The following AJAP1 variants were observed in gnomAD, a reference collection of about 807,000 sequenced individuals.
AJAP1 encodes adherens junctions associated protein 1.
A neutral mutation model predicts 35.0 loss-of-function variants in AJAP1; 5 were observed. The observed-to-expected ratio is 0.14, with a 90% confidence interval of 0.07 to 0.30. The LOEUF (loss-of-function observed/expected upper bound fraction) is 0.30. Ranked by LOEUF, AJAP1 falls within the 10% of genes least tolerant of loss-of-function variation. The pLI is 1.00. For missense variants in AJAP1, 586 were observed against 571.0 expected (o/e 1.03, Z -0.27); for synonymous variants, 284 against 249.3 (o/e 1.14, Z -1.31).
intron 4 of AJAP1, among the ~76,000 whole-genome samples, chr1:4,773,306 A>C (rs1641879616): frequency 6.6e-6 from 1 of 152,216 alleles, no homozygotes; most frequent in Non-Finnish European, 1.5e-5. Flanking sequence ...AACCCAGGGC[A>C]AGGTGACTGG....
intron 1 of AJAP1, among the ~76,000 whole-genome samples, chr1:4,661,579 G>T (rs568680935): frequency 6.6e-6 from 1 of 152,326 alleles, no homozygotes; most frequent in African/African-American, 2.4e-5. Flanking sequence ...TGGCTTTCTT[G>T]TCTTATACAA....
intron 2 of AJAP1, among the ~76,000 whole-genome samples, chr1:4,716,285 T>A (rs1352992342): frequency 6.6e-6 from 1 of 152,254 alleles, no homozygotes; most frequent in African/African-American, 2.4e-5. Flanking sequence ...AGAGTCCCAC[T>A]GCCTGTCTTC....
chr1:4,663,242 G>T (rs1170583851), intron 1 of AJAP1, among the ~76,000 whole-genome samples: 1 of 152,172 alleles, frequency 6.6e-6, no homozygotes, highest in Non-Finnish European at 1.5e-5. Context: ...GCCTCCTAGA[G>T]TGCTGGGATT....
chr1:4,766,266 G>T (rs1484382941), intron 2 of AJAP1, among the ~76,000 whole-genome samples: 1 of 152,096 alleles, frequency 6.6e-6, no homozygotes, highest in African/African-American at 2.4e-5. Context: ...AGGCCATACT[G>T]CCTGTAAAGC....
intron 2 of AJAP1, 140 bp from the exon 3 acceptor site, chr1:4,769,713 T>C (rs1030556465): frequency 9.4e-6 from 7 of 741,848 alleles, no homozygotes; most frequent in Non-Finnish European, 1.7e-5. Flanking sequence ...GCACCTGTCA[T>C]GCTGCCCCGA....
chr1:4,724,928 C>G (rs1159951491), intron 2 of AJAP1, among the ~76,000 whole-genome samples: 1 of 152,186 alleles, frequency 6.6e-6, no homozygotes, highest in Non-Finnish European at 1.5e-5. Context: ...TACAGTTCTC[C>G]ACAAGCACCC....
chr1:4,771,485 G>A (rs558733627), intron 3 of AJAP1, among the ~76,000 whole-genome samples: 162 of 152,310 alleles, frequency 1.1e-3, no homozygotes, highest in Non-Finnish European at 6.6e-4. Context: ...GCGGGGAGAC[G>A]TCCTCAGCTC....
At chr1:4,715,664 A>C in intron 2 of AJAP1, among the ~76,000 whole-genome samples, 1 of 152,250 alleles carries the variant, frequency 6.6e-6, no homozygotes, top group Non-Finnish European at 1.5e-5. Context: ...CAGCCTGGGC[A>C]ATAAGAGTGA....
intron 2 of AJAP1, among the ~76,000 whole-genome samples, chr1:4,769,203 C>A (rs753676462): frequency 3.3e-5 from 5 of 152,228 alleles, no homozygotes; most frequent in Non-Finnish European, 5.9e-5. Context: ...GAAGCATCCG[C>A]TGCTGGCCTG....
At chr1:4,665,029 T>A (rs1639085021) in intron 1 of AJAP1, among the ~76,000 whole-genome samples, 1 of 152,088 alleles carries the variant, frequency 6.6e-6, no homozygotes, top group South Asian at 2.1e-4. Context: ...GATTGTGCTC[T>A]CTGGCTTGGA....
rs370080285 is a variant in AJAP1 at position 4,769,884 on chromosome 1, C to T, written c.861C>T (p.Thr287=). Residue 287 remains threonine, a synonymous_variant, in exon 3 of 6, where the codon ACC becomes ACT. Transcript: ENST00000378191. ...CTGTCCATCAGATCATCACCATCAC[C>T]GTCTCCCTCATCATGGTCATAGCTG... ...GLAVHQIITI[T]VSLIMVIAAL... 2.2e-5 allele frequency: 35 copies of T among 1,614,098 alleles called. No individual in the cohort carries two copies. The highest frequency in any genetic ancestry group is 1.6e-4 in the Middle Eastern group (1 of 6,062).
chr1:4,721,095 G>A (rs1332980753), intron 2 of AJAP1, among the ~76,000 whole-genome samples: 1 of 152,218 alleles, frequency 6.6e-6, no homozygotes, highest in African/African-American at 2.4e-5. Context: ...CCTTTACGTA[G>A]CTGGAATAGC....
At chr1:4,774,300 C>T (rs1641899556) in intron 4 of AJAP1, 127 bp from the exon 5 acceptor site, 10 of 824,414 alleles carry the variant, frequency 1.2e-5, no homozygotes, top group Admixed American at 2.0e-5. Context: ...CCTGGCAAGG[C>T]CAGGAGTCCA....
chr1:4,787,781 C>G lies in AJAP1; in HGVS notation c.*5296C>G, dbSNP rs1047338607. The G allele has an allele frequency of 1.1e-5, 5 of 454,422 alleles. No individual in the cohort carries two copies. Among genetic ancestry groups the G allele is most frequent in the Non-Finnish European group, 1.8e-5 (4 of 226,034 alleles). The allele number at this position is 454,422 out of a possible 1,614,324, so 28.1% of individuals were successfully genotyped here. ...GGGGGTTCAACGTCAGCGACTTGGC[C>G]CACGGGGCACGGGCACCTTGGGGAT... On this transcript the variant is annotated 3_prime_UTR_variant, in exon 6 of 6. Transcript: ENST00000378191.
chr1:4,747,317 C>T (rs192938903), intron 2 of AJAP1, among the ~76,000 whole-genome samples: 199 of 152,322 alleles, frequency 1.3e-3, no homozygotes, highest in Admixed American at 2.2e-3. Flanking sequence ...CCCCGCTCCT[C>T]CAAATGCCAT....
chr1:4,754,294 A>AGG (rs767505125), intron 2 of AJAP1, among the ~76,000 whole-genome samples: 202 of 152,342 alleles, frequency 1.3e-3, no homozygotes, highest in Admixed American at 3.2e-3. Flanking sequence ...CTACACAGGC[A>AGG]GGGGTGTGTT....
At chr1:4,662,374 G>A (rs1312943450) in intron 1 of AJAP1, among the ~76,000 whole-genome samples, 1 of 152,122 alleles carries the variant, frequency 6.6e-6, no homozygotes, top group African/African-American at 2.4e-5. Context: ...CTTCTTTAGT[G>A]TCATGTTCTG....
At chr1:4,670,716 GT>G (rs1229219346) in intron 1 of AJAP1, among the ~76,000 whole-genome samples, 1 of 152,212 alleles carries the variant, frequency 6.6e-6, no homozygotes, top group Non-Finnish European at 1.5e-5. Flanking sequence ...TTGGTCTCCA[GT>G]TTCCTATCCC....
chr1:4,667,734 T>C (rs1381269868), intron 1 of AJAP1, among the ~76,000 whole-genome samples: 1 of 152,032 alleles, frequency 6.6e-6, no homozygotes, highest in Non-Finnish European at 1.5e-5. Context: ...ACCCCTTCCT[T>C]AGAGAACCGG....
Sources: gnomAD v4.1 joint callset for allele counts (sites outside exome capture counted in the v4.1 genomes callset) on GRCh38, gnomAD v4.1.1 for gene constraint, MANE v1.5 for transcripts, NCBI Gene and HGNC (gene_info 2026-07-23, HGNC 2026-07-21) for gene names.